KLF12: variants seen among roughly 807,000 people sequenced by gnomAD.
The protein encoded by KLF12 is KLF transcription factor 12.
A neutral mutation model predicts 37.8 loss-of-function variants in KLF12; 9 were observed. That is an observed-to-expected ratio of 0.24 (90% CI 0.14 to 0.42). The LOEUF (loss-of-function observed/expected upper bound fraction) is 0.42. KLF12 is among the 10% of genes least tolerant of loss of function. The pLI, the probability that KLF12 is intolerant of heterozygous loss-of-function variation, is 1.00. For synonymous variants in KLF12, 208 were observed against 202.1 expected (o/e 1.03, Z -0.25); for missense variants, 411 against 516.0 (o/e 0.80, Z 1.97).
At chr13:73,926,482 A>G (rs932856494) in intron 3 of KLF12, among the ~76,000 whole-genome samples, 4 of 152,168 alleles carry the variant, frequency 2.6e-5, no homozygotes, top group African/African-American at 9.7e-5. Flanking sequence ...CATAAGTTTA[A>G]TATGTACTAG....
At chr13:73,938,432 A>C (rs1349113215) in intron 3 of KLF12, among the ~76,000 whole-genome samples, 1 of 152,146 alleles carries the variant, frequency 6.6e-6, no homozygotes, top group Non-Finnish European at 1.5e-5. Context: ...ATTAAGCCTA[A>C]CGACTGGAGT....
intron 2 of KLF12, among the ~76,000 whole-genome samples, chr13:73,949,865 G>A (rs771583104): frequency 6.6e-6 from 1 of 152,160 alleles, no homozygotes; most frequent in Non-Finnish European, 1.5e-5. Context: ...CATCTTAGGA[G>A]AATGGATATC....
intron 3 of KLF12, among the ~76,000 whole-genome samples, chr13:73,933,487 C>A (rs959862410): frequency 6.6e-6 from 1 of 152,006 alleles, no homozygotes; most frequent in Non-Finnish European, 1.5e-5. Flanking sequence ...CATAAGAATT[C>A]CAGTTTCTGA....
intron 1 of KLF12, among the ~76,000 whole-genome samples, chr13:74,004,813 G>A (rs1273827371): frequency 1.3e-5 from 2 of 151,906 alleles, no homozygotes; most frequent in Non-Finnish European, 2.9e-5. Flanking sequence ...ATCATTTAAG[G>A]TTTGGGGGAT....
chr13:74,210,954 C>G, the KLF12 span, among the ~76,000 whole-genome samples: 2 of 152,178 alleles, frequency 1.3e-5, no homozygotes, highest in African/African-American at 4.8e-5. Context: ...TAACACTGCC[C>G]AACCGAGGTA....
At chr13:73,788,967 A>G (rs1229372496) in intron 5 of KLF12, among the ~76,000 whole-genome samples, 1 of 152,190 alleles carries the variant, frequency 6.6e-6, no homozygotes, top group Non-Finnish European at 1.5e-5. Context: ...GTACATTTCA[A>G]AATAGTTTGT....
intron 1 of KLF12, among the ~76,000 whole-genome samples, chr13:74,023,949 G>T (rs1317945069): frequency 6.6e-6 from 1 of 152,164 alleles, no homozygotes; most frequent in Non-Finnish European, 1.5e-5. Flanking sequence ...AGATCAAAGT[G>T]CAAAGAGATT....
the KLF12 span, among the ~76,000 whole-genome samples, chr13:74,298,074 G>A: frequency 6.6e-6 from 1 of 152,174 alleles, no homozygotes; most frequent in Non-Finnish European, 1.5e-5. Context: ...GAAATGAAAT[G>A]AAATATATTC....
At chr13:74,119,871 T>C (rs920263497) in intron 1 of KLF12, among the ~76,000 whole-genome samples, 1 of 150,574 alleles carries the variant, frequency 6.6e-6, no homozygotes, top group African/African-American at 2.5e-5. Flanking sequence ...ATGATAATTA[T>C]AAATGATAAC....
the KLF12 span, among the ~76,000 whole-genome samples, chr13:74,294,402 T>A: frequency 1.3e-5 from 2 of 152,102 alleles, no homozygotes; most frequent in South Asian, 2.1e-4. Flanking sequence ...TTACTATTTT[T>A]TTTTAGGCCA....
intron 3 of KLF12, among the ~76,000 whole-genome samples, chr13:73,933,387 T>C (rs896930393): frequency 6.6e-6 from 1 of 152,208 alleles, no homozygotes; most frequent in African/African-American, 2.4e-5. Flanking sequence ...ATTAATAGCT[T>C]TTATTTCAAG....
At chr13:74,168,803 A>G in the KLF12 span, among the ~76,000 whole-genome samples, 1 of 152,246 alleles carries the variant, frequency 6.6e-6, no homozygotes, top group African/African-American at 2.4e-5. Flanking sequence ...TATTTTGGCA[A>G]TTCTAATCCA....
At chr13:73,837,342 A>T (rs1198282436) in intron 4 of KLF12, among the ~76,000 whole-genome samples, 1 of 152,222 alleles carries the variant, frequency 6.6e-6, no homozygotes, top group Non-Finnish European at 1.5e-5. Flanking sequence ...TCTATGCCAG[A>T]TGAAGCAGCG....
chr13:74,175,891 A>G, the KLF12 span, among the ~76,000 whole-genome samples: 11 of 152,140 alleles, frequency 7.2e-5, no homozygotes, highest in African/African-American at 2.7e-4. Context: ...CATCCTTGCC[A>G]AAAAGGAACT....
chr13:74,022,142 A>T (rs1892857624), intron 1 of KLF12, among the ~76,000 whole-genome samples: 1 of 152,220 alleles, frequency 6.6e-6, no homozygotes. Flanking sequence ...ACTAGATATT[A>T]GTCACTAGTA....
chr13:73,826,255 G>A (rs918674455), intron 4 of KLF12, among the ~76,000 whole-genome samples: 1 of 151,882 alleles, frequency 6.6e-6, no homozygotes, highest in African/African-American at 2.4e-5. Context: ...TTACAGTCAT[G>A]AGCCACCACG....
At chr13:73,853,813 A>G (rs1026450844) in intron 3 of KLF12, among the ~76,000 whole-genome samples, 2 of 152,172 alleles carry the variant, frequency 1.3e-5, no homozygotes, top group Non-Finnish European at 2.9e-5. Context: ...ACGGGAACAT[A>G]AATGTGTTCC....
intron 2 of KLF12, among the ~76,000 whole-genome samples, chr13:73,946,576 C>T (rs1354398595): frequency 2.0e-5 from 3 of 150,842 alleles, no homozygotes; most frequent in Non-Finnish European, 2.9e-5. Flanking sequence ...TTTAGTTTCA[C>T]GTACAAGTGA....
At chr13:73,732,177 G>A (rs577717576) in intron 6 of KLF12, among the ~76,000 whole-genome samples, 23 of 151,182 alleles carry the variant, frequency 1.5e-4, no homozygotes, top group Admixed American at 2.6e-4. Flanking sequence ...TCCACCTCCC[G>A]GGTTCAAGTG....
Sources: gnomAD v4.1 joint callset for allele counts (sites outside exome capture counted in the v4.1 genomes callset) on GRCh38, gnomAD v4.1.1 for gene constraint, MANE v1.5 for transcripts, NCBI Gene and HGNC (gene_info 2026-07-23, HGNC 2026-07-21) for gene names.